FANCA: variants seen among roughly 807,000 people sequenced by gnomAD.
FANCA encodes the protein FA complementation group A.
Under a neutral mutation model 194.3 loss-of-function variants are expected in FANCA, and 236 were observed. That is an observed-to-expected ratio of 1.21 (90% confidence interval 1.09 to 1.35). The LOEUF (loss-of-function observed/expected upper bound fraction) is 1.35. Among genes scored for constraint, FANCA ranks in the 40% most tolerant of loss-of-function variants. FANCA has a pLI of 0.00. For missense variants in FANCA, 2,628 were observed against 1,813.9 expected (o/e 1.45, Z -8.15); for synonymous variants, 1,014 against 715.8 (o/e 1.42, Z -6.65).
chr16:89,753,527 A>C (rs1184630874), intron 30 of FANCA, among the ~76,000 whole-genome samples: 2 of 152,232 alleles, frequency 1.3e-5, no homozygotes, highest in Non-Finnish European at 2.9e-5. Flanking sequence ...AAAAACCGTA[A>C]GATTATCTCA....
intron 10 of FANCA, 85 bp downstream of exon 10, chr16:89,799,081 T>C (rs375296024): frequency 1.2e-6 from 2 of 1,614,206 alleles, no homozygotes; most frequent in Non-Finnish European, 1.7e-6. Flanking sequence ...GCTGAAGCTC[T>C]GGAAGTGTTT....
chr16:89,746,900 A>C lies in FANCA; in HGVS notation c.3349-10T>G. 1 of 1,553,366 alleles carries C rather than the reference A, an allele frequency of 6.4e-7. No individual in the cohort carries two copies. The highest frequency in any genetic ancestry group is 8.7e-7 in the Non-Finnish European group (1 of 1,147,936). Reference sequence around the variant, plus strand: ...GGGAGCAGAAGTTTCTCTGCAAAAGAGTTCAAGGCAGGTAAGAAAAGCCCA... The same window carrying C: ...GGGAGCAGAAGTTTCTCTGCAAAAGCGTTCAAGGCAGGTAAGAAAAGCCCA... On this transcript the variant is annotated splice_polypyrimidine_tract_variant and intron_variant, in intron 33 of 42. Coordinates refer to ENST00000389301, the MANE Select transcript of FANCA (RefSeq NM_000135.4).
At chr16:89,756,161 A>G (rs1256166246) in intron 30 of FANCA, among the ~76,000 whole-genome samples, 2 of 152,224 alleles carry the variant, frequency 1.3e-5, no homozygotes, top group African/African-American at 4.8e-5. Context: ...GAACATTCTT[A>G]TGCAGTACAT....
intron 28 of FANCA, chr16:89,762,569 G>GAAAA (rs59550802): frequency 0.052 from 8,981 of 173,610 alleles, 372 homozygotes; most frequent in East Asian, 0.21. Flanking sequence ...CTATAAAAAG[G>GAAAA]AAAAAAAAAA....
chr16:89,767,480 G>A (rs1356782861), intron 26 of FANCA, among the ~76,000 whole-genome samples: 2 of 152,188 alleles, frequency 1.3e-5, no homozygotes, highest in Non-Finnish European at 2.9e-5. Flanking sequence ...CGAGTCTCCT[G>A]CCTCAGCCTC....
chr16:89,747,420 T>TG (rs2038428181), intron 33 of FANCA, among the ~76,000 whole-genome samples: 1 of 152,202 alleles, frequency 6.6e-6, no homozygotes, highest in Admixed American at 6.5e-5. Context: ...TTTGAAGTGC[T>TG]GCACAAGGCC....
chr16:89,770,166 CTGG>C lies in FANCA; in HGVS notation c.2313_2315del (p.His771del). The C allele has an allele frequency of 6.3e-7, 1 of 1,587,258 alleles. No homozygotes were observed. The highest frequency in any genetic ancestry group is 1.3e-5 in the African/African-American group (1 of 74,770). ...TGGCCCCCATGAAGGAGAGCCTCACCTGGTGACGGAGCAGCTGGCAGAGCCGGG... is the reference window on the plus strand; with the variant it reads ...TGGCCCCCATGAAGGAGAGCCTCACCTGACGGAGCAGCTGGCAGAGCCGGG... On this transcript the variant is annotated inframe_deletion and splice_region_variant, in exon 25 of 43. Transcript: ENST00000389301.
In FANCA at chr16:89,746,826, C is replaced by G; in HGVS notation, c.3408+5G>C. 1 of 1,567,002 alleles carries G rather than the reference C, an allele frequency of 6.4e-7. No homozygotes were observed. Among genetic ancestry groups the G allele is most frequent in the Non-Finnish European group, 8.7e-7 (1 of 1,154,764 alleles). On this transcript the variant is annotated splice_donor_5th_base_variant and intron_variant, in intron 34 of 42. Coordinates refer to ENST00000389301, the MANE Select transcript of FANCA (RefSeq NM_000135.4). The stretch of plus-strand genomic sequence containing the variant: ...GCCACGAGAGGGGCTGAGGGAGCAT[C>G]TCACCCTGAAGAAGTGGGCAGTGAT...
intron 14 of FANCA, among the ~76,000 whole-genome samples, chr16:89,786,169 C>A (rs749601688): frequency 2.5e-4 from 34 of 134,774 alleles, no homozygotes; most frequent in Non-Finnish European, 4.8e-4. Flanking sequence ...CAAGCACGTG[C>A]CACCAAGCCC....
chr16:89,804,733 T>G (rs889879027), intron 7 of FANCA, among the ~76,000 whole-genome samples: 2 of 152,090 alleles, frequency 1.3e-5, no homozygotes, highest in African/African-American at 4.8e-5. Flanking sequence ...GTTTTTCTCA[T>G]AATATCATTC....
chr16:89,742,621 AAC>A (rs1369620102), intron 37 of FANCA, among the ~76,000 whole-genome samples, 177 bp downstream of exon 37: 1 of 147,638 alleles, frequency 6.8e-6, no homozygotes, highest in Admixed American at 6.8e-5. Flanking sequence ...CATCCTGGCT[AAC>A]ACAGTGAAAC....
At chr16:89,777,152 C>T (rs2039535390) in intron 20 of FANCA, among the ~76,000 whole-genome samples, 1 of 140,272 alleles carries the variant, frequency 7.1e-6, no homozygotes, top group African/African-American at 2.7e-5. Context: ...CAAGGCTGGC[C>T]AGGTGTGGTG....
chr16:89,784,963 G>A lies in FANCA; in HGVS notation c.1361C>T (p.Ala454Val), dbSNP rs2039848068. 1.9e-6 allele frequency: 3 copies of A among 1,612,368 alleles called. No individual in the cohort carries two copies. The highest frequency in any genetic ancestry group is 4.5e-5 in the East Asian group (2 of 44,876). Residue 454 changes from alanine (A) to valine (V), a missense_variant and splice_region_variant, in exon 15 of 43, where the codon GCC becomes GTC. Transcript: ENST00000389301. ...AFLSYADWFK[A>V]SFGSTRGYHG... ...GTAGCCTCGTGTGCTCCCAAAGGAG[G>A]CCTGTGTGGAGAGAAGAGCGTGAAG...
Position 89,783,131 on chromosome 16 carries a change from G to GTTAGTCTGGGAACTGCCTGGGAC in FANCA, c.1471-52_1471-30dup, listed in dbSNP as rs780036144. The GTTAGTCTGGGAACTGCCTGGGAC allele has an allele frequency of 1.2e-4, 188 of 1,551,796 alleles. No individual in the cohort carries two copies. In the African/African-American group the frequency reaches 2.4e-3, roughly 20 times the overall value. On this transcript the variant is annotated intron_variant, in intron 15 of 42. Coordinates refer to ENST00000389301, the MANE Select transcript of FANCA (RefSeq NM_000135.4). ...AGGATAGATAGCAGAGCGCAGCACC[G>GTTAGTCTGGGAACTGCCTGGGAC]TTAGTCTGGGAACTGCCTGGGACTC...
Position 89,770,150 on chromosome 16 carries a change from T to G in FANCA, c.2316+16A>C, listed in dbSNP as rs779657463. 1 of 1,579,048 alleles carries G rather than the reference T, an allele frequency of 6.3e-7. No homozygotes were observed. On this transcript the variant is annotated intron_variant, in intron 25 of 42. Transcript: ENST00000389301. ...AGTGGGCCCCCAAGGGTGGCCCCCA[T>G]GAAGGAGAGCCTCACCTGGTGACGG... is the stretch of plus-strand genomic sequence containing the variant.
intron 3 of FANCA, among the ~76,000 whole-genome samples, chr16:89,812,139 T>C: frequency 6.9e-6 from 1 of 145,664 alleles, no homozygotes; most frequent in Non-Finnish European, 1.5e-5. Flanking sequence ...ATCGAGACCA[T>C]CCTGGCTAAC....
chr16:89,814,322 A>T (rs1172185288), intron 3 of FANCA, among the ~76,000 whole-genome samples, 198 bp downstream of exon 3: 1 of 152,214 alleles, frequency 6.6e-6, no homozygotes, highest in Non-Finnish European at 1.5e-5. Flanking sequence ...AGGTTGAATC[A>T]GACGCTGTTT....
intron 19 of FANCA, 22 bp from the exon 20 acceptor site, chr16:89,778,872 G>C (rs756467778): frequency 9.3e-6 from 15 of 1,612,232 alleles, no homozygotes; most frequent in Admixed American, 3.3e-5. Flanking sequence ...GAAGAGACCT[G>C]TGAGAGACTG....
At chr16:89,814,784 T>C (rs941714614) in intron 2 of FANCA, among the ~76,000 whole-genome samples, 171 bp from the exon 3 acceptor site, 4 of 149,420 alleles carry the variant, frequency 2.7e-5, no homozygotes, top group African/African-American at 7.7e-5. Context: ...CTACTAAAAA[T>C]ACAAAAATTA....
Sources: gnomAD v4.1 joint callset for allele counts (sites outside exome capture counted in the v4.1 genomes callset) on GRCh38, gnomAD v4.1.1 for gene constraint, MANE v1.5 for transcripts, NCBI Gene and HGNC (gene_info 2026-07-23, HGNC 2026-07-21) for gene names.